Variants in ALG14 observed in about 807,000 individuals in gnomAD.
ALG14 encodes the protein ALG14 UDP-N-acetylglucosaminyltransferase subunit, also known as UDP-N-acetylglucosamine transferase subunit ALG14.
A neutral mutation model predicts 22.8 loss-of-function variants in ALG14; 17 were observed. The ratio of observed to expected loss-of-function variants is 0.75; its 90% CI spans 0.51 to 1.12. The LOEUF (loss-of-function observed/expected upper bound fraction) is 1.12, where lower values mean the gene tolerates loss of function less well. Among genes scored for constraint, ALG14 ranks in the 50% most tolerant of loss-of-function variants. ALG14 has a pLI of 0.00. For synonymous variants in ALG14, 89 were observed against 103.7 expected (o/e 0.86, Z 0.86); for missense variants, 288 against 271.8 (o/e 1.06, Z -0.42).
rs528095657 is a variant in ALG14, at chr1:95,072,950, T to C, written c.-52A>G. The C allele has an allele frequency of 1.2e-5, 20 of 1,609,514 alleles. No homozygotes were observed. The African/African-American group carries it at 1.6e-4, about 13-fold the overall frequency. On this transcript the variant is annotated 5_prime_UTR_variant, in exon 1 of 4. Coordinates refer to ENST00000370205, the MANE Select transcript of ALG14 (RefSeq NM_144988.4). Reference sequence around the variant, plus strand: ...TTCCGGGGACCAGCCGCTGTCAAAGTTCACAACTACGGGTGCCGAAGCGAC... The same window carrying C: ...TTCCGGGGACCAGCCGCTGTCAAAGCTCACAACTACGGGTGCCGAAGCGAC...
chr1:95,038,485 C>T (rs960038629), intron 2 of ALG14, among the ~76,000 whole-genome samples: 1 of 151,554 alleles, frequency 6.6e-6, no homozygotes, highest in Non-Finnish European at 1.5e-5. Flanking sequence ...GAGACTCCAT[C>T]TCAAAAACAA....
intron 3 of ALG14, among the ~76,000 whole-genome samples, chr1:94,999,713 C>G (rs531074916): frequency 8.5e-5 from 13 of 152,232 alleles, no homozygotes; most frequent in Non-Finnish European, 1.3e-4. Flanking sequence ...TGGAAACCTT[C>G]TTATCCTGCT....
chr1:95,037,667 G>T (rs1402390302), intron 2 of ALG14, among the ~76,000 whole-genome samples: 1 of 152,144 alleles, frequency 6.6e-6, no homozygotes, highest in African/African-American at 2.4e-5. Flanking sequence ...TCCCTTTATT[G>T]TTCAAGCCAA....
intron 3 of ALG14, among the ~76,000 whole-genome samples, chr1:95,006,554 G>C (rs1250630969): frequency 1.3e-5 from 2 of 152,168 alleles, no homozygotes; most frequent in African/African-American, 4.8e-5. Context: ...AAGACTCATG[G>C]AGGAAGTATG....
intron 3 of ALG14, among the ~76,000 whole-genome samples, chr1:94,988,700 G>A (rs969655293): frequency 6.6e-6 from 1 of 152,322 alleles, no homozygotes; most frequent in Middle Eastern, 3.4e-3. Context: ...TCAATACCAG[G>A]AGAAAATAGT....
rs1479107286 is a variant in ALG14, at chr1:94,981,987, C to G, written c.*1089G>C. 1 of 152,156 alleles carries G rather than the reference C, an allele frequency of 6.6e-6. No individual in the cohort carries two copies. The highest frequency in any genetic ancestry group is 1.5e-5 in the Non-Finnish European group (1 of 68,032). 9.4% of individuals were successfully genotyped at this position (152,156 alleles called of 1,614,324 possible). ...TGTGTGACTGCACAGGCCACACACC[C>G]GTGAAACTGGCCCCACTAAGAAGTC... On this transcript the variant is annotated 3_prime_UTR_variant, in exon 4 of 4. Transcript: ENST00000370205.
intron 3 of ALG14, among the ~76,000 whole-genome samples, chr1:95,012,225 T>C (rs188253429): frequency 2.6e-5 from 4 of 152,348 alleles, no homozygotes; most frequent in African/African-American, 9.6e-5. Flanking sequence ...TATGTCCTTA[T>C]TGGCAGCATG....
intron 1 of ALG14, 116 bp from the exon 2 acceptor site, chr1:95,065,133 A>T: frequency 1.2e-6 from 1 of 844,646 alleles, no homozygotes; most frequent in South Asian, 2.4e-5. Context: ...CTGTAATTGT[A>T]TATTTCTCAG....
At position 94,975,049 on chromosome 1, in the gene ALG14, G is replaced by C. The variant is rs1251226271; in HGVS notation, c.*8027C>G. ...AATTCACCCAGTATACAATTCAGTGGCTTTTAGTATATTCACAGAGATGTA... is the reference window on the plus strand; with the variant it reads ...AATTCACCCAGTATACAATTCAGTGCCTTTTAGTATATTCACAGAGATGTA... On this transcript the variant is annotated 3_prime_UTR_variant, in exon 4 of 4. Transcript: ENST00000370205. 1 of 152,170 alleles carries C rather than the reference G, an allele frequency of 6.6e-6. No individual in the cohort carries two copies. The highest frequency in any genetic ancestry group is 2.4e-5 in the African/African-American group (1 of 41,424). The allele number at this position is 152,170 out of a possible 1,614,324, so 9.4% of individuals were successfully genotyped here.
rs1169113166 is a variant in ALG14, at chr1:94,975,658, G to A, written c.*7418C>T. The A allele has an allele frequency of 6.6e-6, 1 of 152,018 alleles. No individual in the cohort carries two copies. The highest frequency in any genetic ancestry group is 2.4e-5 in the African/African-American group (1 of 41,366). 9.4% of individuals were successfully genotyped at this position (152,018 alleles called of 1,614,324 possible). Reference sequence around the variant, plus strand: ...AATCCTTGGCAGCATGTATTTTCTGGGTTTTCTTGGACTATAGCCACCCTA... The same window carrying A: ...AATCCTTGGCAGCATGTATTTTCTGAGTTTTCTTGGACTATAGCCACCCTA... On this transcript the variant is annotated 3_prime_UTR_variant, in exon 4 of 4. Transcript: ENST00000370205.
intron 3 of ALG14, among the ~76,000 whole-genome samples, chr1:95,004,394 G>A (rs756570279): frequency 1.3e-5 from 2 of 151,566 alleles, no homozygotes; most frequent in East Asian, 3.9e-4. Context: ...GCTAATTTTC[G>A]TATTTTTAGC....
chr1:95,070,673 C>T lies in ALG14; in HGVS notation c.136+2090G>A, dbSNP rs556003537. Among the ~76,000 whole-genome samples, 4 of 152,324 alleles carry T rather than the reference C, an allele frequency of 2.6e-5. No homozygotes were observed. In the South Asian group the frequency reaches 8.3e-4, roughly 32 times the overall value. On this transcript the variant is annotated intron_variant, in intron 1 of 3. Coordinates refer to ENST00000370205, the MANE Select transcript of ALG14 (RefSeq NM_144988.4). ...GAGCCCTTTGATTATTTTAGGTTGA[C>T]ACTATATGTCAAGCACTTTACTGAA...
intron 3 of ALG14, among the ~76,000 whole-genome samples, chr1:94,988,902 G>A (rs1672705679): frequency 2.0e-5 from 3 of 152,024 alleles, no homozygotes; most frequent in Non-Finnish European, 4.4e-5. Context: ...TAACATTTTG[G>A]TGTATTCTCT....
intron 2 of ALG14, among the ~76,000 whole-genome samples, chr1:95,053,601 C>T (rs1247938598): frequency 6.6e-6 from 1 of 152,032 alleles, no homozygotes; most frequent in Non-Finnish European, 1.5e-5. Context: ...CACTCTGTCA[C>T]CCAGGCTTGA....
intron 1 of ALG14, among the ~76,000 whole-genome samples, chr1:95,071,540 AT>A (rs1395979389): frequency 6.6e-6 from 1 of 152,146 alleles, no homozygotes; most frequent in African/African-American, 2.4e-5. Context: ...GAGACTCTGT[AT>A]AAAAAAGAAA....
chr1:95,008,375 C>A (rs1285895683), intron 3 of ALG14, among the ~76,000 whole-genome samples: 1 of 152,112 alleles, frequency 6.6e-6, no homozygotes, highest in Non-Finnish European at 1.5e-5. Flanking sequence ...GTAAAATAAA[C>A]CTCTAGTGAG....
chr1:95,003,450 C>CTT lies in ALG14; in HGVS notation c.421-20146_421-20145dup, dbSNP rs11286582. ...TTGTTCTAGAACGAATGCCCTCATT[C>CTT]TTTTTTTTTTTTTTTTTGAGACAGG... On this transcript the variant is annotated intron_variant, in intron 3 of 3. Transcript: ENST00000370205. Among the ~76,000 whole-genome samples the CTT allele has an allele frequency of 2.1e-4, 28 of 134,212 alleles. No individual in the cohort carries two copies. In the East Asian group the frequency reaches 2.4e-3, roughly 12 times the overall value. The allele number at this position is 134,212 out of a possible 152,430, so 88.0% of individuals were successfully genotyped here. A position where few individuals can be genotyped will look rare whatever the true frequency, so the allele number is the denominator to read the frequency against.
At position 94,991,725 on chromosome 1, in the gene ALG14, ATTAACT is replaced by A. The variant is rs772574002; in HGVS notation, c.421-8425_421-8420del. 1.1e-3 allele frequency among the ~76,000 whole-genome samples: 169 copies of A among 152,348 alleles called. No homozygotes were observed. In the Middle Eastern group the frequency reaches 0.034, roughly 31 times the overall value. On this transcript the variant is annotated intron_variant, in intron 3 of 3. Coordinates refer to ENST00000370205, the MANE Select transcript of ALG14 (RefSeq NM_144988.4). ...ATTTTTGTTCTTTCTTCAATAATAA[ATTAACT>A]TTAGCTTACTGTAACTTTTTTTACT...
intron 2 of ALG14, among the ~76,000 whole-genome samples, chr1:95,039,012 A>C (rs1053732696): frequency 1.3e-5 from 2 of 152,134 alleles, no homozygotes; most frequent in Non-Finnish European, 2.9e-5. Flanking sequence ...GTGAGCCACC[A>C]CGCCCAGCCA....
Sources: allele counts gnomAD v4.1 joint callset (sites outside exome capture counted in the v4.1 genomes callset), GRCh38; gene constraint gnomAD v4.1.1; transcripts MANE v1.5; gene names NCBI Gene and HGNC (gene_info 2026-07-23, HGNC 2026-07-21).